CELSR3: variants seen among roughly 807,000 people sequenced by gnomAD.
CELSR3 encodes the protein EGF-like protein 1.
Under a neutral mutation model 270.0 loss-of-function variants are expected in CELSR3, and 73 were observed. That is an observed-to-expected ratio of 0.27 (90% CI 0.22 to 0.33). The LOEUF (loss-of-function observed/expected upper bound fraction) is 0.33, where lower values mean the gene tolerates loss of function less well. Among genes scored for constraint, CELSR3 ranks in the 10% least tolerant of loss-of-function variants. The probability of loss-of-function intolerance (pLI) is 1.00; values close to 1 mark genes in which losing one functional copy is unlikely to be tolerated. For synonymous variants in CELSR3, 1,780 were observed against 1,905.4 expected (o/e 0.93, Z 1.71); for missense variants, 3,614 against 4,533.8 (o/e 0.80, Z 5.83).
Position 48,661,014 on chromosome 3 carries a change from TGTCGTTCTC to T in CELSR3, c.1612_1620del (p.Glu538_Asp540del). On this transcript the variant is annotated inframe_deletion, in exon 1 of 35. Coordinates refer to ENST00000164024, the MANE Select transcript of CELSR3 (RefSeq NM_001407.3). ...CGCTTCTCGCTGAACTGAGGAGCAT[TGTCGTTCTC>T]GTCTAGCACAGTTATGTGTACGCGC... The T allele has an allele frequency of 6.2e-7, 1 of 1,613,902 alleles. No homozygotes were observed. The highest frequency in any genetic ancestry group is 1.1e-5 in the South Asian group (1 of 91,090).
rs1355011421 is a variant in CELSR3, at chr3:48,642,934, C to A, written c.8406+33G>T. 4 of 1,610,224 alleles carry A rather than the reference C, an allele frequency of 2.5e-6. No homozygotes were observed. In the South Asian group the frequency reaches 3.3e-5, roughly 13 times the overall value. ...GAGCTAACCCTGAAGCAGCCTAAAA[C>A]TCTGGCTTCTCAGGGCCCCCATCCC... On this transcript the variant is annotated intron_variant, in intron 29 of 34. Coordinates refer to ENST00000164024, the MANE Select transcript of CELSR3 (RefSeq NM_001407.3). The surrounding 1 kb of genome is among the most constrained non-coding windows in gnomAD (Gnocchi z 6.1).
chr3:48,646,944 G>A lies in CELSR3; in HGVS notation c.7130-16C>T. On this transcript the variant is annotated splice_polypyrimidine_tract_variant and intron_variant, in intron 20 of 34. Coordinates refer to ENST00000164024, the MANE Select transcript of CELSR3 (RefSeq NM_001407.3). The surrounding 1 kb of genome is among the most constrained non-coding windows in gnomAD (Gnocchi z 4.8). ...GTGGGCAGAACTGCCAGGAGAGAAG[G>A]AGGAGCTTCTGTCAGTGACCTTTGA... 1.3e-5 allele frequency: 20 copies of A among 1,508,298 alleles called. No individual in the cohort carries two copies. The highest frequency in any genetic ancestry group is 1.7e-5 in the Non-Finnish European group (19 of 1,132,194). The allele number at this position is 1,508,298 out of a possible 1,614,324, so 93.4% of individuals were successfully genotyped here. A position where few individuals can be genotyped will look rare whatever the true frequency, so the allele number is the denominator to read the frequency against.
Position 48,661,898 on chromosome 3 carries a change from T to C in CELSR3, c.737A>G (p.Asp246Gly). Residue 246 changes from aspartate (D) to glycine (G), a missense_variant, in exon 1 of 35, where the codon GAT (aspartate) becomes GGT (glycine). Transcript: ENST00000164024. Reference sequence around the variant, plus strand: ...TGTCCTCGCCGTGCGTGGTGCTGAATCCAGCTCGGGGCCAGATCCCGAGGC... The same window carrying C: ...TGTCCTCGCCGTGCGTGGTGCTGAACCCAGCTCGGGGCCAGATCCCGAGGC... ...PGASGSGPELDSAPRTARTAP... is the reference protein window; with the variant it reads ...PGASGSGPELGSAPRTARTAP... 1 of 1,612,164 alleles carries C rather than the reference T, an allele frequency of 6.2e-7. No homozygotes were observed. Among genetic ancestry groups the C allele is most frequent in the Non-Finnish European group, 8.5e-7 (1 of 1,179,844 alleles).
rs756541979 is a variant in CELSR3, at chr3:48,656,834, G to A, written c.4263C>T (p.Cys1421=). 1.6e-5 allele frequency: 26 copies of A among 1,608,224 alleles called. No homozygotes were observed. Among genetic ancestry groups the A allele is most frequent in the Non-Finnish European group, 1.4e-5 (17 of 1,177,140 alleles). ...CTCCCGTGAATCCGGGCGGGCAGCG[G>A]CAGCGCAGGCCAGCGATGGGCTGGA... ...RPIQPIAGLR[C]RCPPGFTGDF... Residue 1421 remains cysteine, a synonymous_variant, in exon 2 of 35, where the codon TGC becomes TGT. Transcript: ENST00000164024.
In CELSR3 at chr3:48,654,099, A is replaced by G; in HGVS notation, c.5153-96T>C. On this transcript the variant is annotated intron_variant, in intron 7 of 34. Coordinates refer to ENST00000164024, the MANE Select transcript of CELSR3 (RefSeq NM_001407.3). This position sits in a 1 kb window ranked among gnomAD's most constrained non-coding sequence, Gnocchi z 5.4. Reference sequence around the variant, plus strand: ...GTGTCCAGAGGGGCTGAAAGAGACCAAGATCTCAGCCCCATTTCCCATTTT... The same window carrying G: ...GTGTCCAGAGGGGCTGAAAGAGACCGAGATCTCAGCCCCATTTCCCATTTT... 6.5e-7 allele frequency: 1 copy of G among 1,542,026 alleles called. No homozygotes were observed. The highest frequency in any genetic ancestry group is 8.8e-7 in the Non-Finnish European group (1 of 1,136,368).
Position 48,657,020 on chromosome 3 carries a change from G to GCGCACGTACAACTGCTCCTGCAGCTCCT in CELSR3, c.4049_4076dup (p.Arg1360GlyfsTer35). The GCGCACGTACAACTGCTCCTGCAGCTCCT allele has an allele frequency of 6.2e-7, 1 of 1,613,474 alleles. No homozygotes were observed. The highest frequency in any genetic ancestry group is 8.5e-7 in the Non-Finnish European group (1 of 1,179,774). On this transcript the variant is annotated frameshift_variant, in exon 2 of 35. Coordinates refer to ENST00000164024, the MANE Select transcript of CELSR3 (RefSeq NM_001407.3). LOFTEE classifies it high-confidence loss of function. The surrounding 1 kb of genome is among the most constrained non-coding windows in gnomAD (Gnocchi z 5.4). ...GGGAGCGAGCCGCCAGCGCCGCCCGGCGCACGTACAACTGCTCCTGCAGCT... is the reference window on the plus strand; with the variant it reads ...GGGAGCGAGCCGCCAGCGCCGCCCGGCGCACGTACAACTGCTCCTGCAGCTCCTCGCACGTACAACTGCTCCTGCAGCT...
intron 19 of CELSR3, 121 bp downstream of exon 19, chr3:48,648,145 G>C: frequency 7.1e-7 from 1 of 1,417,796 alleles, no homozygotes; most frequent in Non-Finnish European, 9.6e-7. Context: ...AACGCTGAGG[G>C]CGGTGGCTGA....
At chr3:48,648,219 T>G in intron 19 of CELSR3, 47 bp downstream of exon 19, 1 of 1,586,012 alleles carries the variant, frequency 6.3e-7, no homozygotes, top group Non-Finnish European at 8.6e-7. Context: ...TACCTGCCCT[T>G]TCATGGCCCC....
chr3:48,649,553 G>T (rs1056715424), intron 16 of CELSR3, among the ~76,000 whole-genome samples: 4 of 152,194 alleles, frequency 2.6e-5, no homozygotes, highest in Admixed American at 2.6e-4. Context: ...ACAGATGTAT[G>T]GACCAGACCA....
chr3:48,644,943 G>A lies in CELSR3; in HGVS notation c.7972+92C>T. The A allele has an allele frequency of 6.6e-7, 1 of 1,525,244 alleles. No homozygotes were observed. The highest frequency in any genetic ancestry group is 9.0e-7 in the Non-Finnish European group (1 of 1,116,188). 94.5% of individuals were successfully genotyped at this position (1,525,244 alleles called of 1,614,324 possible). Reference sequence around the variant, plus strand: ...CAGCAACCCCATGAATAGATGGCTTGGGGTTTGAGGTTGGGGGTCATGAGC... The same window carrying A: ...CAGCAACCCCATGAATAGATGGCTTAGGGTTTGAGGTTGGGGGTCATGAGC... On this transcript the variant is annotated intron_variant, in intron 25 of 34. Coordinates refer to ENST00000164024, the MANE Select transcript of CELSR3 (RefSeq NM_001407.3). The surrounding 1 kb of genome is among the most constrained non-coding windows in gnomAD (Gnocchi z 4.8).
chr3:48,652,602 C>A lies in CELSR3; in HGVS notation c.5635-49G>T. Reference sequence around the variant, plus strand: ...ACTGAGGGAGAGGGGCCTGATGAACCCCTGTCATAGCCCAGAGTCAGTCTT... The same window carrying A: ...ACTGAGGGAGAGGGGCCTGATGAACACCTGTCATAGCCCAGAGTCAGTCTT... On this transcript the variant is annotated intron_variant, in intron 10 of 34. Transcript: ENST00000164024. The surrounding 1 kb of genome is among the most constrained non-coding windows in gnomAD (Gnocchi z 4.3). The A allele has an allele frequency of 7.0e-7, 1 of 1,420,682 alleles. No individual in the cohort carries two copies. The highest frequency in any genetic ancestry group is 1.8e-4 in the Middle Eastern group (1 of 5,530). The allele number at this position is 1,420,682 out of a possible 1,614,324, so 88.0% of individuals were successfully genotyped here. A position where few individuals can be genotyped will look rare whatever the true frequency, so the allele number is the denominator to read the frequency against.
At position 48,659,780 on chromosome 3, in the gene CELSR3, T is replaced by C. The variant is rs1336792259; in HGVS notation, c.2855A>G (p.Asn952Ser). 3 of 1,614,254 alleles carry C rather than the reference T, an allele frequency of 1.9e-6. No individual in the cohort carries two copies. Among genetic ancestry groups the C allele is most frequent in the Non-Finnish European group, 1.7e-6 (2 of 1,180,048 alleles). ...TTGTGGAGCATTGTCATTCACGTCA[T>C]TGACCATCACCTCCACATAAGTAGT... ...ADTTYVEVMV[N>S]DVNDNAPQFV... The change falls in exon 1 of 35, where the codon AAT (asparagine) becomes AGT (serine). Residue 952 changes from asparagine to serine, a missense_variant. Physicochemically the swap from Asn to Ser is conservative, Grantham distance 46. Coordinates refer to ENST00000164024, the MANE Select transcript of CELSR3 (RefSeq NM_001407.3). This position sits in a 1 kb window ranked among gnomAD's most constrained non-coding sequence, Gnocchi z 8.1.
rs1003434659 is a variant in CELSR3, at chr3:48,647,011, T to C, written c.7130-83A>G. ...ACCCAGCTCTGAACCCGATCAAGCA[T>C]GGGGGTCTCTTCCCTGCAGGAGCAG... On this transcript the variant is annotated intron_variant, in intron 20 of 34. Transcript: ENST00000164024. The C allele has an allele frequency of 6.1e-6, 8 of 1,319,606 alleles. No individual in the cohort carries two copies. In the African/African-American group the frequency reaches 9.3e-5, roughly 15 times the overall value. The allele number at this position is 1,319,606 out of a possible 1,614,324, so 81.7% of individuals were successfully genotyped here. A position where few individuals can be genotyped will look rare whatever the true frequency, so the allele number is the denominator to read the frequency against.
At position 48,656,163 on chromosome 3, in the gene CELSR3, T is replaced by A; in HGVS notation, c.4602A>T (p.Arg1534=). The A allele has an allele frequency of 6.5e-7, 1 of 1,536,998 alleles. No homozygotes were observed. Among genetic ancestry groups the A allele is most frequent in the South Asian group, 1.2e-5 (1 of 84,118 alleles). The part of the protein sequence containing the change: ...SFVMFRGLRQ[R]FHLTLSLSFA... Reference sequence around the variant, plus strand: ...ACGAGAGGGACAGCGTAAGGTGGAATCGCTGCCGCAGGCCGCGAAACATGA... The same window carrying A: ...ACGAGAGGGACAGCGTAAGGTGGAAACGCTGCCGCAGGCCGCGAAACATGA... The change falls in exon 3 of 35, where the codon CGA becomes CGT. Residue 1534 remains arginine (R), a synonymous_variant. Coordinates refer to ENST00000164024, the MANE Select transcript of CELSR3 (RefSeq NM_001407.3).
chr3:48,642,644 G>A lies in CELSR3; in HGVS notation c.8555+92C>T, dbSNP rs1360158560. The A allele has an allele frequency of 2.6e-6, 4 of 1,519,990 alleles. No individual in the cohort carries two copies. Among genetic ancestry groups the A allele is most frequent in the African/African-American group, 1.4e-5 (1 of 72,836 alleles). 94.2% of individuals were successfully genotyped at this position (1,519,990 alleles called of 1,614,324 possible). On this transcript the variant is annotated intron_variant, in intron 30 of 34. Coordinates refer to ENST00000164024, the MANE Select transcript of CELSR3 (RefSeq NM_001407.3). This position sits in a 1 kb window ranked among gnomAD's most constrained non-coding sequence, Gnocchi z 6.1. The stretch of plus-strand genomic sequence containing the variant: ...GCCCCAGATGGCCAAGATGGGTGGA[G>A]CCACCCGCCCTAGGACCTGGTCAGC...
chr3:48,660,523 G>A lies in CELSR3; in HGVS notation c.2112C>T (p.Ala704=), dbSNP rs2077058516. 6.2e-7 allele frequency: 1 copy of A among 1,614,174 alleles called. No homozygotes were observed. Among genetic ancestry groups the A allele is most frequent in the Middle Eastern group, 1.6e-4 (1 of 6,062 alleles). The change falls in exon 1 of 35, where the codon GCC becomes GCT. Residue 704 remains alanine, a synonymous_variant. Coordinates refer to ENST00000164024, the MANE Select transcript of CELSR3 (RefSeq NM_001407.3). The surrounding 1 kb of genome is among the most constrained non-coding windows in gnomAD (Gnocchi z 5.5). ...GACCACTCACAGAGACCCAGCCAGT[G>A]GCGCTGTTTATCACAAAAGGAGTAT... ...APDTPFVINS[A]TGWVSVSGPL...
At position 48,646,123 on chromosome 3, in the gene CELSR3, T is replaced by C; in HGVS notation, c.7430A>G (p.Lys2477Arg). The C allele has an allele frequency of 6.2e-7, 1 of 1,612,928 alleles. No individual in the cohort carries two copies. The highest frequency in any genetic ancestry group is 8.5e-7 in the Non-Finnish European group (1 of 1,179,918). ...TGGGTCCCACTGCACACAGATCGCC[T>C]TGCTCCGATTCGCTGTCTGTAGCAG... ...FRLLQTANRS[K>R]AICVQWDPPG... Residue 2477 changes from lysine (K) to arginine (R), a missense_variant, in exon 22 of 35, where the codon AAG becomes AGG. Lys to Arg is a conservative substitution (Grantham distance 26). This residue lies in a region of CELSR3 where 1,240 missense variants were observed against 1,351.7 expected (regional missense o/e 0.92). Coordinates refer to ENST00000164024, the MANE Select transcript of CELSR3 (RefSeq NM_001407.3). The surrounding 1 kb of genome is among the most constrained non-coding windows in gnomAD (Gnocchi z 4.8).
In CELSR3 at chr3:48,661,321, G is replaced by C; in HGVS notation, c.1314C>G (p.Tyr438Ter). The C allele has an allele frequency of 6.2e-7, 1 of 1,613,438 alleles. No individual in the cohort carries two copies. The highest frequency in any genetic ancestry group is 8.5e-7 in the Non-Finnish European group (1 of 1,179,910). ...DHSPVFEQAQYRETLRENVEE... is the reference protein window; with the variant it reads ...DHSPVFEQAQ ...CCACATTCTCGCGAAGGGTCTCCCG[G>C]TACTGCGCTTGCTCAAAAACCGGCG... The change falls in exon 1 of 35, where the codon TAC becomes TAG. Residue 438 changes from tyrosine to a stop codon, truncating the protein, a stop_gained. Transcript: ENST00000164024. LOFTEE classifies it high-confidence loss of function.
intron 16 of CELSR3, among the ~76,000 whole-genome samples, chr3:48,649,601 A>G (rs1030465350): frequency 2.6e-5 from 4 of 152,190 alleles, no homozygotes; most frequent in African/African-American, 9.7e-5. Flanking sequence ...ACACACACAG[A>G]CATGCCAACA....
Sources: gnomAD v4.1 joint callset for allele counts (sites outside exome capture counted in the v4.1 genomes callset) on GRCh38, gnomAD v4.1.1 for gene constraint, gnomAD v4.1.1 regional missense constraint, Gnocchi (gnomAD v3.1) non-coding constraint, MANE v1.5 for transcripts, NCBI Gene and HGNC (gene_info 2026-07-23, HGNC 2026-07-21) for gene names.